Variants in C6orf132 observed in about 807,000 individuals in gnomAD.
C6orf132 encodes the protein uncharacterized protein C6orf132.
Under a neutral mutation model 65.3 loss-of-function variants are expected in C6orf132, and 43 were observed. That is an observed-to-expected ratio of 0.66 (90% CI 0.52 to 0.85). The LOEUF (loss-of-function observed/expected upper bound fraction) is 0.85, where lower values mean the gene tolerates loss of function less well. C6orf132 is among the 40% of genes least tolerant of loss of function. The pLI is 0.00. For synonymous variants in C6orf132, 631 were observed against 654.1 expected (o/e 0.96, Z 0.54); for missense variants, 1,488 against 1,548.8 (o/e 0.96, Z 0.66).
chr6:42,132,884 G>T (rs1207338064), intron 1 of C6orf132, among the ~76,000 whole-genome samples: 2 of 150,584 alleles, frequency 1.3e-5, no homozygotes, highest in African/African-American at 2.5e-5. Flanking sequence ...GAAAAGAAAA[G>T]AAAAGAAAAG....
rs933993863 is a variant in C6orf132, at chr6:42,101,490, C to T, written c.*2271G>A. The T allele has an allele frequency of 1.3e-5, 2 of 152,198 alleles. No homozygotes were observed. Among genetic ancestry groups the T allele is most frequent in the Admixed American group, 6.5e-5 (1 of 15,280 alleles). 9.4% of individuals were successfully genotyped at this position (152,198 alleles called of 1,614,324 possible). A position where few individuals can be genotyped will look rare whatever the true frequency, so the allele number is the denominator to read the frequency against. ...AGTCTATCCATACTAAGCACAGTGG[C>T]TTGTATCCAGTAGTTACCCAAATCC... On this transcript the variant is annotated 3_prime_UTR_variant, in exon 5 of 5. Transcript: ENST00000341865.
chr6:42,108,327 A>G (rs1766445918), intron 3 of C6orf132, among the ~76,000 whole-genome samples: 1 of 152,218 alleles, frequency 6.6e-6, no homozygotes, highest in Admixed American at 6.5e-5. Flanking sequence ...ATTAAATGAG[A>G]GAATCCATGC....
At chr6:42,129,206 G>C (rs1055726570) in intron 1 of C6orf132, among the ~76,000 whole-genome samples, 2 of 152,228 alleles carry the variant, frequency 1.3e-5, no homozygotes, top group Non-Finnish European at 2.9e-5. Flanking sequence ...GAAACATGCA[G>C]AGCAGATGAG....
chr6:42,142,522 G>A lies in C6orf132; in HGVS notation c.-78C>T, dbSNP rs1231445923. ...CCCTGCCCCGGACTGAACTCAGCAC[G>A]GTCTCCCCAGGGGACTCTACCAGGC... is the stretch of plus-strand genomic sequence containing the variant. On this transcript the variant is annotated 5_prime_UTR_variant, in exon 1 of 5. Coordinates refer to ENST00000341865, the MANE Select transcript of C6orf132 (RefSeq NM_001164446.3). 1.3e-5 allele frequency: 19 copies of A among 1,464,602 alleles called. No homozygotes were observed. The Admixed American group carries it at 1.7e-4, about 13-fold the overall frequency. 90.7% of individuals were successfully genotyped at this position (1,464,602 alleles called of 1,614,324 possible).
chr6:42,121,033 T>C (rs572598327), intron 2 of C6orf132, among the ~76,000 whole-genome samples: 6 of 152,312 alleles, frequency 3.9e-5, no homozygotes, highest in African/African-American at 1.2e-4. Context: ...AGATAGTAGC[T>C]GACATATAGA....
chr6:42,137,596 C>T (rs1174503410), intron 1 of C6orf132, among the ~76,000 whole-genome samples: 1 of 152,094 alleles, frequency 6.6e-6, no homozygotes, highest in African/African-American at 2.4e-5. Context: ...GAGCTGGTGA[C>T]ATTCTTTCCA....
rs185874901 is a variant in C6orf132, at chr6:42,113,475, C to T, written c.253-3184G>A. On this transcript the variant is annotated intron_variant, in intron 2 of 4. Transcript: ENST00000341865. ...AGCCAGGGTGCAAACCTAGGCTTTC[C>T]ACCTTACCTTTTCTACAGATCACTG... 2.8e-3 allele frequency among the ~76,000 whole-genome samples: 434 copies of T among 152,310 alleles called. 3 individuals carry two copies. The highest frequency in any genetic ancestry group is 9.6e-3 in the African/African-American group (400 of 41,570).
At chr6:42,112,607 C>A (rs180792351) in intron 2 of C6orf132, among the ~76,000 whole-genome samples, 3 of 152,340 alleles carry the variant, frequency 2.0e-5, no homozygotes, top group Non-Finnish European at 4.4e-5. Flanking sequence ...CCGCACCACA[C>A]TGACCCACTG....
chr6:42,104,796 A>G lies in C6orf132; in HGVS notation c.3116T>C (p.Phe1039Ser). Residue 1039 changes from phenylalanine (F) to serine (S), a missense_variant, in exon 4 of 5, where the codon TTT (phenylalanine) becomes TCT (serine). Phe to Ser is a radical substitution (Grantham distance 155, BLOSUM62 -2). Coordinates refer to ENST00000341865, the MANE Select transcript of C6orf132 (RefSeq NM_001164446.3). The surrounding 1 kb of genome is among the most constrained non-coding windows in gnomAD (Gnocchi z 4.1). Reference protein sequence around the residue: ...GAPPALGFSRFPAGARYAGAG... With the variant: ...GAPPALGFSRSPAGARYAGAG... ...CCCGGCGTAGCGCGCGCCCGCGGGA[A>G]AGCGCGAGAAGCCGAGAGCCGGGGG... 1 of 1,491,202 alleles carries G rather than the reference A, an allele frequency of 6.7e-7. No homozygotes were observed. The allele number at this position is 1,491,202 out of a possible 1,614,324, so 92.4% of individuals were successfully genotyped here.
chr6:42,141,126 T>C (rs1767023684), intron 1 of C6orf132, among the ~76,000 whole-genome samples: 1 of 150,158 alleles, frequency 6.7e-6, no homozygotes, highest in African/African-American at 2.5e-5. Context: ...GTTCACCCCC[T>C]GATCTGATAT....
chr6:42,115,415 G>A lies in C6orf132; in HGVS notation c.253-5124C>T, dbSNP rs536209997. 2.2e-3 allele frequency among the ~76,000 whole-genome samples: 330 copies of A among 152,156 alleles called. 2 individuals are homozygous for A. The highest frequency in any genetic ancestry group is 0.019 in the South Asian group (92 of 4,828). Reference sequence around the variant, plus strand: ...TAATCCCAGCACTTTGGGAGGCTGAGGCGGGCGGATCATGAGGTCAGGAGA... The same window carrying A: ...TAATCCCAGCACTTTGGGAGGCTGAAGCGGGCGGATCATGAGGTCAGGAGA... On this transcript the variant is annotated intron_variant, in intron 2 of 4. Transcript: ENST00000341865.
At chr6:42,133,156 C>T (rs1490521921) in intron 1 of C6orf132, among the ~76,000 whole-genome samples, 3 of 152,184 alleles carry the variant, frequency 2.0e-5, no homozygotes, top group Non-Finnish European at 4.4e-5. Context: ...GATGCTGAGG[C>T]CTTCCTGAGA....
rs1766299549 is a variant in C6orf132 at position 42,102,245 on chromosome 6, T to TC, written c.*1515_*1516insG. ...CCTTTTTTTTTTTTTTTTTTTTTTT[T>TC]TGAGACGAGTCTCGCTCTGTCGCCA... On this transcript the variant is annotated 3_prime_UTR_variant, in exon 5 of 5. Transcript: ENST00000341865. 1 of 105,176 alleles carries TC rather than the reference T, an allele frequency of 9.5e-6. No homozygotes were observed. The highest frequency in any genetic ancestry group is 2.4e-4 in the East Asian group (1 of 4,150). 6.5% of individuals were successfully genotyped at this position (105,176 alleles called of 1,614,324 possible).
chr6:42,134,774 C>CAAA (rs34668328), intron 1 of C6orf132, among the ~76,000 whole-genome samples: 4 of 83,610 alleles, frequency 4.8e-5, no homozygotes, highest in Non-Finnish European at 7.3e-5. Flanking sequence ...AACTCCATCT[C>CAAA]AAAAAAAAAA....
Position 42,105,514 on chromosome 6 carries a change from G to A in C6orf132, c.2398C>T (p.Pro800Ser). The A allele has an allele frequency of 6.5e-7, 1 of 1,532,856 alleles. No individual in the cohort carries two copies. Among genetic ancestry groups the A allele is most frequent in the Middle Eastern group, 1.7e-4 (1 of 5,830 alleles). The allele number at this position is 1,532,856 out of a possible 1,614,324, so 95.0% of individuals were successfully genotyped here. A position where few individuals can be genotyped will look rare whatever the true frequency, so the allele number is the denominator to read the frequency against. ...ARGGAAGPGE[P>S]VEVKEPPGLP... ...CCTGGGGGCTCCTTCACCTCCACGGGCTCCCCTGGCCCTGCAGCCCCTCCT... is the reference window on the plus strand; with the variant it reads ...CCTGGGGGCTCCTTCACCTCCACGGACTCCCCTGGCCCTGCAGCCCCTCCT... Residue 800 changes from proline to serine, a missense_variant, in exon 4 of 5, where the codon CCC becomes TCC. Coordinates refer to ENST00000341865, the MANE Select transcript of C6orf132 (RefSeq NM_001164446.3).
chr6:42,131,390 A>G (rs1299200721), intron 1 of C6orf132, among the ~76,000 whole-genome samples: 1 of 152,192 alleles, frequency 6.6e-6, no homozygotes, highest in Non-Finnish European at 1.5e-5. Flanking sequence ...TTAATTCTCA[A>G]AACAGCCCCA....
In C6orf132 at chr6:42,142,360, C is replaced by T; in HGVS notation, c.85G>A (p.Ala29Thr). The change falls in exon 1 of 5, where the codon GCC becomes ACC. Residue 29 changes from alanine to threonine, a missense_variant. Transcript: ENST00000341865. ...HTTTPSTSLY[A>T]TNPPWIFTQE... ...GTGAAGATCCAGGGCGGATTGGTGG[C>T]GTAGAGGGAGGTGCTGGGGGTCGTG... 2 of 1,551,374 alleles carry T rather than the reference C, an allele frequency of 1.3e-6. No homozygotes were observed. Among genetic ancestry groups the T allele is most frequent in the Non-Finnish European group, 1.7e-6 (2 of 1,146,850 alleles).
At chr6:42,119,066 C>CAAAAAAAAAAAAAAAAA (rs1160587167) in intron 2 of C6orf132, among the ~76,000 whole-genome samples, 1 of 54,782 alleles carries the variant, frequency 1.8e-5, no homozygotes, top group Non-Finnish European at 3.3e-5. Flanking sequence ...CCTGTCTCTA[C>CAAAAAAAAAAAAAAAAA]AAAAAAAAAA....
rs865820760 is a variant in C6orf132 at position 42,128,710 on chromosome 6, G to C, written c.214C>G (p.Arg72Gly). The change falls in exon 2 of 5, where the codon CGG (arginine) becomes GGG (glycine). Residue 72 changes from arginine to glycine, a missense_variant. Physicochemically the swap from Arg to Gly is moderately radical, Grantham distance 125 (BLOSUM62 -2). Transcript: ENST00000341865. The stretch of plus-strand genomic sequence containing the variant: ...GTCAGCAGGGGCCGGACTCTTGGCC[G>C]AGCTTTCAGCGTGGCTGTTCCTGAC... ...SESGTATLKARPRVRPLLTFL... is the reference protein window; with the variant it reads ...SESGTATLKAGPRVRPLLTFL... The C allele has an allele frequency of 2.6e-6, 4 of 1,551,378 alleles. No individual in the cohort carries two copies. The highest frequency in any genetic ancestry group is 1.4e-5 in the African/African-American group (1 of 73,018).
Sources: gnomAD v4.1 joint callset for allele counts (sites outside exome capture counted in the v4.1 genomes callset) on GRCh38, gnomAD v4.1.1 for gene constraint, Gnocchi (gnomAD v3.1) non-coding constraint, MANE v1.5 for transcripts, NCBI Gene and HGNC (gene_info 2026-07-23, HGNC 2026-07-21) for gene names.